Variants in PACRGL observed in about 807,000 individuals in gnomAD.
The protein encoded by PACRGL is PACRG-like protein.
A neutral mutation model predicts 34.5 loss-of-function variants in PACRGL; 38 were observed. That is an observed-to-expected ratio of 1.10 (90% confidence interval 0.85 to 1.44). PACRGL has a LOEUF of 1.44. PACRGL is among the 40% of genes most tolerant of loss of function. The pLI is 0.00. For synonymous variants in PACRGL, 128 were observed against 100.1 expected (o/e 1.28, Z -1.66); for missense variants, 305 against 281.4 (o/e 1.08, Z -0.60).
intron 7 of PACRGL, among the ~76,000 whole-genome samples, chr4:20,720,715 C>T (rs1004092970): frequency 9.2e-5 from 14 of 152,136 alleles, no homozygotes; most frequent in Non-Finnish European, 1.5e-5. Flanking sequence ...GATGGGCTTC[C>T]CTTTGTGGGT....
intron 8 of PACRGL, among the ~76,000 whole-genome samples, chr4:20,739,939 T>C (rs1480400117): frequency 6.6e-6 from 1 of 152,120 alleles, no homozygotes; most frequent in Non-Finnish European, 1.5e-5. Flanking sequence ...AAGAACTATC[T>C]GATGCATTCA....
intron 8 of PACRGL, among the ~76,000 whole-genome samples, chr4:20,739,007 G>C (rs368440651): frequency 6.6e-6 from 1 of 152,294 alleles, no homozygotes; most frequent in African/African-American, 2.4e-5. Flanking sequence ...AGAAGTCCGA[G>C]ATCGAACTGC....
chr4:20,744,986 G>A (rs1389926978), intron 8 of PACRGL, among the ~76,000 whole-genome samples: 3 of 152,076 alleles, frequency 2.0e-5, no homozygotes, highest in Non-Finnish European at 2.9e-5. Flanking sequence ...CTGGATTTGT[G>A]GTTGCCATTT....
chr4:20,763,849 C>T, the PACRGL span, among the ~76,000 whole-genome samples: 1 of 152,138 alleles, frequency 6.6e-6, no homozygotes, highest in African/African-American at 2.4e-5. Flanking sequence ...TGAGCCCAGC[C>T]TCCCACTGAT....
chr4:20,702,010 G>A (rs1386768978), intron 1 of PACRGL: 11 of 442,056 alleles, frequency 2.5e-5, no homozygotes, highest in Admixed American at 4.9e-5. Context: ...ATTATATATT[G>A]TACATAAAAG....
At chr4:20,760,653 A>G in the PACRGL span, among the ~76,000 whole-genome samples, 10 of 152,170 alleles carry the variant, frequency 6.6e-5, no homozygotes, top group African/African-American at 2.2e-4. Context: ...CTGCATTCAC[A>G]GAGGCAGAAC....
At chr4:20,712,664 A>T in intron 5 of PACRGL, 124 bp from the exon 6 acceptor site, 1 of 890,568 alleles carries the variant, frequency 1.1e-6, no homozygotes, top group Non-Finnish European at 1.6e-6. Flanking sequence ...CTGAAATTAT[A>T]ATCATGATTA....
At chr4:20,713,385 C>T in intron 6 of PACRGL, 47 bp from the exon 7 acceptor site, 2 of 1,427,634 alleles carry the variant, frequency 1.4e-6, no homozygotes, top group Non-Finnish European at 2.0e-6. Flanking sequence ...TCCTTTTCTC[C>T]TCTCTTCCCT....
chr4:20,733,785 C>G (rs6831295), downstream of PACRGL, among the ~76,000 whole-genome samples: 49,342 of 151,996 alleles, frequency 0.32, 8,530 homozygotes, highest in African/African-American at 0.43. Context: ...AATTTGGCAC[C>G]CACTAGTGAT....
At chr4:20,716,591 T>C (rs896328000) in intron 7 of PACRGL, among the ~76,000 whole-genome samples, 4 of 152,206 alleles carry the variant, frequency 2.6e-5, no homozygotes, top group African/African-American at 7.2e-5. Context: ...GTGTTTGGTT[T>C]TCTGTCCTTG....
Position 20,727,866 on chromosome 4 carries a change from A to T in PACRGL, c.*525A>T, listed in dbSNP as rs1746409375. 1 of 152,842 alleles carries T rather than the reference A, an allele frequency of 6.5e-6. No individual in the cohort carries two copies. Among genetic ancestry groups the T allele is most frequent in the Non-Finnish European group, 1.5e-5 (1 of 68,512 alleles). The allele number at this position is 152,842 out of a possible 1,614,324, so 9.5% of individuals were successfully genotyped here. A position where few individuals can be genotyped will look rare whatever the true frequency, so the allele number is the denominator to read the frequency against. On this transcript the variant is annotated 3_prime_UTR_variant, in exon 9 of 9. Transcript: ENST00000503585. ...CAGTGGCATAATCATAGCTCACCGC[A>T]AGCCTCAAATTTTTGTGCTCAGATG... is the stretch of plus-strand genomic sequence containing the variant.
downstream of PACRGL, among the ~76,000 whole-genome samples, chr4:20,737,298 T>TG (rs11436210): frequency 0.51 from 77,178 of 151,914 alleles, 20,078 homozygotes; most frequent in African/African-American, 0.6. Flanking sequence ...TTCATTTTGC[T>TG]CCAAGGTTGG....
chr4:20,712,921 T>A lies in PACRGL; in HGVS notation c.500T>A (p.Leu167Gln), dbSNP rs757668097. The change falls in exon 6 of 9, where the codon CTG becomes CAG. Residue 167 changes from leucine to glutamine, a missense_variant and splice_region_variant. By Grantham distance (113) the Leu-to-Gln change is moderately radical. Coordinates refer to ENST00000503585, the MANE Select transcript of PACRGL (RefSeq NM_001258345.3). ...CTGATTCCTGTGCTAAAGGCAGCTC[T>A]GGTATGTCATTTATTTCATTGTACT... Reference protein sequence around the residue: ...PRLIPVLKAALVHSDDEVFER... With the variant: ...PRLIPVLKAAQVHSDDEVFER... 6.4e-7 allele frequency: 1 copy of A among 1,553,386 alleles called. No homozygotes were observed.
At chr4:20,716,016 T>C in intron 7 of PACRGL, 2 of 1,265,136 alleles carry the variant, frequency 1.6e-6, no homozygotes, top group Non-Finnish European at 1.1e-6. Flanking sequence ...TGTTTTTCAT[T>C]GCGATGTTTT....
chr4:20,742,794 A>G (rs555318386), intron 8 of PACRGL, among the ~76,000 whole-genome samples: 1 of 152,324 alleles, frequency 6.6e-6, no homozygotes, highest in South Asian at 2.1e-4. Flanking sequence ...TGCGGATGAC[A>G]TGATTGTATA....
In PACRGL at chr4:20,732,376, C is replaced by T. The variant is rs1284861574; in HGVS notation, c.*5035C>T. On this transcript the variant is annotated 3_prime_UTR_variant, in exon 9 of 9. Transcript: ENST00000503585. ...GAAACTTTCAGAGCTTGCTTTTTGT[C>T]TCATCTGTAAAATGAGATTAATGAG... Among the ~76,000 whole-genome samples the T allele has an allele frequency of 6.6e-6, 1 of 152,076 alleles. No homozygotes were observed. The highest frequency in any genetic ancestry group is 2.4e-5 in the African/African-American group (1 of 41,402).
intron 8 of PACRGL, among the ~76,000 whole-genome samples, chr4:20,726,620 G>T (rs908992779): frequency 6.6e-6 from 1 of 152,014 alleles, no homozygotes; most frequent in African/African-American, 2.4e-5. Flanking sequence ...TAGAAATTAA[G>T]TCTTTAAAAA....
rs1746284938 is a variant in PACRGL, at chr4:20,727,542, A to C, written c.*201A>C. The C allele has an allele frequency of 4.2e-6, 2 of 476,036 alleles. No individual in the cohort carries two copies. The highest frequency in any genetic ancestry group is 6.1e-5 in the East Asian group (2 of 32,784). 29.5% of individuals were successfully genotyped at this position (476,036 alleles called of 1,614,324 possible). A position where few individuals can be genotyped will look rare whatever the true frequency, so the allele number is the denominator to read the frequency against. ...GGAAAGTTATTAAAATAAGTTCTAT[A>C]AGAGTACAATTTTGAGGTTTATTTT... On this transcript the variant is annotated 3_prime_UTR_variant, in exon 9 of 9. Transcript: ENST00000503585.
At chr4:20,705,122 ATTCAG>A (rs1368870263) in intron 3 of PACRGL, among the ~76,000 whole-genome samples, 1 of 152,156 alleles carries the variant, frequency 6.6e-6, no homozygotes, top group Admixed American at 6.5e-5. Context: ...AATAAACTGT[ATTCAG>A]TTGCCACAGA....
Sources: allele counts gnomAD v4.1 joint callset (sites outside exome capture counted in the v4.1 genomes callset), GRCh38; gene constraint gnomAD v4.1.1; transcripts MANE v1.5; gene names NCBI Gene and HGNC (gene_info 2026-07-23, HGNC 2026-07-21).